ANO7: variants seen among roughly 807,000 people sequenced by gnomAD.
ANO7 encodes anoctamin-7.
In ANO7, 114 loss-of-function variants were observed where a neutral mutation model predicts 115.8. That is an observed-to-expected ratio of 0.98 (90% CI 0.85 to 1.15). The LOEUF (loss-of-function observed/expected upper bound fraction) is 1.15, where lower values mean the gene tolerates loss of function less well. ANO7 is among the 50% of genes most tolerant of loss of function. The pLI, the probability that ANO7 is intolerant of heterozygous loss-of-function variation, is 0.00. For synonymous variants in ANO7, 550 were observed against 498.2 expected (o/e 1.10, Z -1.38); for missense variants, 1,302 against 1,201.2 (o/e 1.08, Z -1.24).
rs1028439170 is a variant in ANO7, at chr2:241,192,910, TGGGGAC to T, written c.166+1665_166+1670del. ...AGGTAGAATGGTGGGTGCCAGGGGCTGGGGACGGGGAGGGGGAGTTAGTGCTTAATG... is the reference window on the plus strand; with the variant it reads ...AGGTAGAATGGTGGGTGCCAGGGGCTGGGGAGGGGGAGTTAGTGCTTAATG... On this transcript the variant is annotated intron_variant, in intron 3 of 24. Coordinates refer to ENST00000674324, the MANE Select transcript of ANO7 (RefSeq NM_001370694.2). 4.1e-4 allele frequency among the ~76,000 whole-genome samples: 61 copies of T among 148,314 alleles called. 1 individual carries two copies. Among genetic ancestry groups the T allele is most frequent in the Admixed American group, 2.2e-3 (32 of 14,770 alleles).
chr2:241,224,520 CG>C lies in ANO7; in HGVS notation c.*368del. The stretch of plus-strand genomic sequence containing the variant: ...TGGTCCTCGCCGCCCCTGGCCACAT[CG>C]CCCTCTCCTCTTACACCTGGTGACC... On this transcript the variant is annotated 3_prime_UTR_variant, in exon 25 of 25. Transcript: ENST00000674324. 3.6e-6 allele frequency: 1 copy of C among 275,986 alleles called. No homozygotes were observed. Among genetic ancestry groups the C allele is most frequent in the South Asian group, 4.9e-5 (1 of 20,252 alleles). 17.1% of individuals were successfully genotyped at this position (275,986 alleles called of 1,614,324 possible). A position where few individuals can be genotyped will look rare whatever the true frequency, so the allele number is the denominator to read the frequency against.
At chr2:241,221,767 T>G (rs2069024741) in intron 21 of ANO7, among the ~76,000 whole-genome samples, 1 of 151,738 alleles carries the variant, frequency 6.6e-6, no homozygotes, top group African/African-American at 2.4e-5. Context: ...AACCTCCACC[T>G]CCCAGGTTCA....
chr2:241,232,433 G>A, the ANO7 span, among the ~76,000 whole-genome samples: 26 of 152,204 alleles, frequency 1.7e-4, no homozygotes, highest in African/African-American at 4.8e-4. Flanking sequence ...ACGCGACCAC[G>A]CCTGGCTAAT....
At chr2:241,218,623 G>C (rs1260853728) in intron 21 of ANO7, among the ~76,000 whole-genome samples, 1 of 152,252 alleles carries the variant, frequency 6.6e-6, no homozygotes, top group Non-Finnish European at 1.5e-5. Flanking sequence ...TTGCTAGTTG[G>C]TCATAGTGTA....
Position 241,223,236 on chromosome 2 carries a change from A to G in ANO7, c.2372A>G (p.Asn791Ser). The part of the protein sequence containing the change: ...DDGHYSQTYW[N>S]LLAIRLAFVI... ...GGACATTATTCCCAGACCTACTGGA[A>G]TCTTCTTGCCATCCGCCTGGCCTTC... Residue 791 changes from asparagine (N) to serine (S), a missense_variant, in exon 22 of 25, where the codon AAT becomes AGT. Coordinates refer to ENST00000674324, the MANE Select transcript of ANO7 (RefSeq NM_001370694.2). The G allele has an allele frequency of 6.2e-7, 1 of 1,614,218 alleles. No individual in the cohort carries two copies. The highest frequency in any genetic ancestry group is 8.5e-7 in the Non-Finnish European group (1 of 1,180,036).
intron 3 of ANO7, among the ~76,000 whole-genome samples, chr2:241,191,885 A>G (rs1293912215): frequency 6.6e-6 from 1 of 152,238 alleles, no homozygotes; most frequent in Non-Finnish European, 1.5e-5. Context: ...AGTTCCTCAG[A>G]GAATTCAGCA....
intron 7 of ANO7, 99 bp from the exon 8 acceptor site, chr2:241,202,095 G>T: frequency 1.1e-6 from 1 of 949,404 alleles, no homozygotes; most frequent in Non-Finnish European, 1.6e-6. Context: ...GGCTGAGGGA[G>T]GCCGTCCATG....
rs1233208495 is a variant in ANO7, at chr2:241,224,986, A to G, written c.*833A>G. 3 of 152,378 alleles carry G rather than the reference A, an allele frequency of 2.0e-5. No homozygotes were observed. In the East Asian group the frequency reaches 5.8e-4, roughly 29 times the overall value. The allele number at this position is 152,378 out of a possible 1,614,324, so 9.4% of individuals were successfully genotyped here. On this transcript the variant is annotated 3_prime_UTR_variant, in exon 25 of 25. Transcript: ENST00000674324. ...TTTGGGATGAGAGGAGGAAACGTGT[A>G]TACCTGTAACATCTGGTGGCTCTTC...
chr2:241,236,454 G>T, the ANO7 span: 1 of 711,506 alleles, frequency 1.4e-6, no homozygotes, highest in Non-Finnish European at 2.4e-6. Flanking sequence ...TCTGTGTCCA[G>T]CCGAGAAGCA....
At chr2:241,210,710 C>T (rs2068702868) in intron 15 of ANO7, 140 bp downstream of exon 15, 1 of 758,068 alleles carries the variant, frequency 1.3e-6, no homozygotes, top group South Asian at 1.7e-5. Flanking sequence ...GACAGGATCT[C>T]ACTCTGTTGC....
chr2:241,224,201 G>A lies in ANO7; in HGVS notation c.*48G>A, dbSNP rs374359012. ...TCCTTAGGGGAGTGGCCCCTCCTGA[G>A]CCCTGCGAGCAGCGTCCTTTTCCTC... On this transcript the variant is annotated 3_prime_UTR_variant, in exon 25 of 25. Transcript: ENST00000674324. 2.6e-5 allele frequency: 41 copies of A among 1,602,032 alleles called. No homozygotes were observed. Among genetic ancestry groups the A allele is most frequent in the Non-Finnish European group, 3.3e-5 (39 of 1,170,610 alleles).
chr2:241,218,477 A>T, intron 21 of ANO7, 96 bp downstream of exon 21: 104 of 648,128 alleles, frequency 1.6e-4, no homozygotes, highest in East Asian at 1.5e-3. Flanking sequence ...GGGAGCCGGG[A>T]GGGGCGGGCG....
At chr2:241,199,295 C>T (rs201656370) in intron 4 of ANO7, 21 bp from the exon 5 acceptor site, 19 of 1,605,300 alleles carry the variant, frequency 1.2e-5, no homozygotes, top group African/African-American at 8.0e-5. Flanking sequence ...CAGGCTCTCA[C>T]GGAGCCCTGG....
At chr2:241,227,026 G>A (rs943694950), downstream of ANO7, among the ~76,000 whole-genome samples, 13 of 152,192 alleles carry the variant, frequency 8.5e-5, no homozygotes, top group African/African-American at 2.2e-4. Context: ...CCACAAGGAC[G>A]GTTGTCCACC....
the ANO7 span, among the ~76,000 whole-genome samples, chr2:241,232,930 G>A: frequency 1.3e-5 from 2 of 152,080 alleles, no homozygotes; most frequent in African/African-American, 4.8e-5. Context: ...CTCCTGGCCT[G>A]GCTGGTGTGT....
In ANO7 at chr2:241,201,370, C is replaced by G. The variant is rs78154103; in HGVS notation, c.612+15C>G. ...GGCACCAAATTGTGAGTGGGGGTTC[C>G]CTGCCGCGGGCCCCAAACCCTGACC... On this transcript the variant is annotated intron_variant, in intron 7 of 24. Coordinates refer to ENST00000674324, the MANE Select transcript of ANO7 (RefSeq NM_001370694.2). The G allele has an allele frequency of 0.24, 389,586 of 1,609,050 alleles. 50,799 individuals carry two copies. Among genetic ancestry groups the G allele is most frequent in the Non-Finnish European group, 0.27 (321,323 of 1,177,356 alleles).
rs775965897 is a variant in ANO7 at position 241,218,343 on chromosome 2, C to T, written c.2283C>T (p.Ala761=). The T allele has an allele frequency of 1.1e-5, 16 of 1,490,800 alleles. No homozygotes were observed. The highest frequency in any genetic ancestry group is 1.3e-5 in the Non-Finnish European group (15 of 1,125,382). The allele number at this position is 1,490,800 out of a possible 1,614,324, so 92.3% of individuals were successfully genotyped here. A position where few individuals can be genotyped will look rare whatever the true frequency, so the allele number is the denominator to read the frequency against. ...RGFLNFTLAR[A]PSSFAAAHNR... is the part of the protein sequence containing the mutation. ...TCCTCAACTTCACGCTGGCGCGAGC[C>T]CCGTCCTCCTTCGCCGCCGCGCACA... The change falls in exon 21 of 25, where the codon GCC becomes GCT. Residue 761 remains alanine, a synonymous_variant. Transcript: ENST00000674324.
chr2:241,193,888 TC>T (rs1335354650), intron 3 of ANO7, among the ~76,000 whole-genome samples: 14 of 152,372 alleles, frequency 9.2e-5, no homozygotes, highest in Non-Finnish European at 2.1e-4. Context: ...TTTCTTTTTT[TC>T]TTTTTGAGAC....
At chr2:241,208,940 A>G (rs28572755) in intron 11 of ANO7, among the ~76,000 whole-genome samples, 16,505 of 151,810 alleles carry the variant, frequency 0.11, 1,729 homozygotes, top group African/African-American at 0.26. Context: ...ACAAGGTCAG[A>G]AGATCGAGAC....
Sources: gnomAD v4.1 joint callset for allele counts (sites outside exome capture counted in the v4.1 genomes callset) on GRCh38, gnomAD v4.1.1 for gene constraint, MANE v1.5 for transcripts, NCBI Gene and HGNC (gene_info 2026-07-23, HGNC 2026-07-21) for gene names.